Variants in PHF14 observed in about 807,000 individuals in gnomAD.
PHF14 encodes PHD finger protein 14.
PHF14 carries 55 observed loss-of-function variants against 117.9 expected under a neutral mutation model. The observed-to-expected ratio is 0.47, with a 90% CI of 0.38 to 0.58. PHF14 has a LOEUF of 0.58. Ranked by LOEUF, PHF14 falls within the 20% of genes least tolerant of loss-of-function variation. The probability of loss-of-function intolerance (pLI) is 0.00; values close to 1 mark genes in which losing one functional copy is unlikely to be tolerated. For missense variants in PHF14, 978 were observed against 1,122.2 expected (o/e 0.87, Z 1.84); for synonymous variants, 409 against 368.6 (o/e 1.11, Z -1.26).
chr7:11,134,576 G>C (rs1396518861), intron 17 of PHF14, among the ~76,000 whole-genome samples: 1 of 151,990 alleles, frequency 6.6e-6, no homozygotes, highest in East Asian at 1.9e-4. Flanking sequence ...GATGAGGAAA[G>C]TGAGACTTGG....
At chr7:10,994,440 A>C (rs1041597882) in intron 4 of PHF14, among the ~76,000 whole-genome samples, 1 of 152,110 alleles carries the variant, frequency 6.6e-6, no homozygotes, top group African/African-American at 2.4e-5. Context: ...CTCCGTCTCA[A>C]AAAAAAAGAT....
At chr7:11,137,590 CTTTT>C (rs5882293) in intron 17 of PHF14, among the ~76,000 whole-genome samples, 2 of 93,972 alleles carry the variant, frequency 2.1e-5, no homozygotes, top group African/African-American at 4.2e-5. Context: ...CTTAAAAATT[CTTTT>C]TTTTTTTTTT....
At chr7:11,052,746 G>A (rs965481255) in intron 14 of PHF14, among the ~76,000 whole-genome samples, 7 of 152,106 alleles carry the variant, frequency 4.6e-5, no homozygotes, top group African/African-American at 1.4e-4. Flanking sequence ...TTGGTAAATT[G>A]TATTTCCTTT....
chr7:11,119,545 A>G (rs1787690748), intron 17 of PHF14, among the ~76,000 whole-genome samples: 1 of 151,854 alleles, frequency 6.6e-6, no homozygotes, highest in African/African-American at 2.4e-5. Flanking sequence ...TATTCTCACA[A>G]TTGTGAAAAT....
chr7:11,000,609 G>C (rs1003073687), intron 4 of PHF14, among the ~76,000 whole-genome samples: 3 of 152,052 alleles, frequency 2.0e-5, no homozygotes, highest in Admixed American at 6.5e-5. Context: ...AAAGTGCTGG[G>C]ATTACAGGCG....
intron 17 of PHF14, among the ~76,000 whole-genome samples, chr7:11,112,591 G>A (rs6969350): frequency 0.35 from 53,262 of 151,738 alleles, 9,944 homozygotes; most frequent in East Asian, 0.72. Context: ...CCAACATGGC[G>A]AAACCCCATC....
intron 7 of PHF14, among the ~76,000 whole-genome samples, chr7:11,033,466 T>A (rs1784196477): frequency 6.7e-6 from 1 of 148,894 alleles, no homozygotes; most frequent in South Asian, 2.1e-4. Flanking sequence ...TTCAAGGGCA[T>A]GGTCTGGGCA....
chr7:11,146,562 A>G (rs897966437), intron 17 of PHF14, among the ~76,000 whole-genome samples: 1 of 152,200 alleles, frequency 6.6e-6, no homozygotes, highest in Non-Finnish European at 1.5e-5. Context: ...TCATGTAGAG[A>G]TAATTCTTAG....
Position 11,070,047 on chromosome 7 carries a change from GATA to G in PHF14, c.2654+7967_2654+7969del, listed in dbSNP as rs543963320. Among the ~76,000 whole-genome samples the G allele has an allele frequency of 2.3e-3, 356 of 152,212 alleles. 1 individual carries two copies. The highest frequency in any genetic ancestry group is 8.2e-3 in the African/African-American group (342 of 41,516). ...GAGTTTTCATTGTGGAAATGTTTTTGATAATAAATTCAGTTTTTAGAATAAATA... is the reference window on the plus strand; with the variant it reads ...GAGTTTTCATTGTGGAAATGTTTTTGATAAATTCAGTTTTTAGAATAAATA... On this transcript the variant is annotated intron_variant, in intron 16 of 17. Coordinates refer to ENST00000634607, the MANE Select transcript of PHF14 (RefSeq NM_001007157.2).
intron 4 of PHF14, among the ~76,000 whole-genome samples, chr7:11,013,049 T>C (rs10277295): frequency 0.018 from 2,770 of 152,262 alleles, 77 homozygotes; most frequent in African/African-American, 0.063. Context: ...TTTGCATGAG[T>C]TTGATCTTTT....
chr7:11,015,339 C>T (rs1470952496), intron 5 of PHF14: 3 of 152,008 alleles, frequency 2.0e-5, no homozygotes, highest in Non-Finnish European at 4.4e-5. Flanking sequence ...TGGAGAATCC[C>T]ATGTGTTGAT....
At chr7:11,102,726 T>A in intron 16 of PHF14, 2 of 1,386,216 alleles carry the variant, frequency 1.4e-6, no homozygotes, top group Non-Finnish European at 1.9e-6. Context: ...GGCAGTAGAT[T>A]TGCCTGTGTG....
At chr7:11,027,476 T>G (rs377304441) in intron 6 of PHF14, among the ~76,000 whole-genome samples, 19 of 152,136 alleles carry the variant, frequency 1.2e-4, no homozygotes, top group African/African-American at 4.1e-4. Context: ...TATGAAGATT[T>G]CTGTTACCAG....
chr7:11,041,426 G>A (rs978707904), intron 12 of PHF14, among the ~76,000 whole-genome samples: 1 of 150,022 alleles, frequency 6.7e-6, no homozygotes, highest in African/African-American at 2.4e-5. Context: ...TGGTGTTTTT[G>A]TGTGTGTGTG....
chr7:11,135,661 T>C (rs1298422188), intron 17 of PHF14, among the ~76,000 whole-genome samples: 3 of 152,180 alleles, frequency 2.0e-5, no homozygotes, highest in Non-Finnish European at 4.4e-5. Flanking sequence ...GCACTGGCAA[T>C]GTTAAATGTA....
chr7:11,122,177 C>G (rs1298087647), intron 17 of PHF14, among the ~76,000 whole-genome samples: 1 of 150,938 alleles, frequency 6.6e-6, no homozygotes, highest in Non-Finnish European at 1.5e-5. Flanking sequence ...CATGTCCCTG[C>G]AAAGGACATG....
chr7:10,987,711 TTA>T (rs1782271950), intron 3 of PHF14, among the ~76,000 whole-genome samples: 1 of 152,108 alleles, frequency 6.6e-6, no homozygotes, highest in Non-Finnish European at 1.5e-5. Context: ...TTTAGAAATT[TTA>T]TGTTAAAAGC....
At chr7:11,111,611 G>T in intron 17 of PHF14, 144 bp downstream of exon 17, 6 of 495,878 alleles carry the variant, frequency 1.2e-5, no homozygotes, top group South Asian at 6.6e-5. Context: ...ATATTGCTAT[G>T]GTTATTTTCT....
intron 16 of PHF14, among the ~76,000 whole-genome samples, chr7:11,082,988 T>TTGGGAAGAAA (rs1354237393): frequency 6.6e-5 from 10 of 152,164 alleles, no homozygotes; most frequent in Non-Finnish European, 1.2e-4. Flanking sequence ...CTTTCCTTAT[T>TTGGGAAGAAA]TGGGAAGAAA....
Sources: allele counts gnomAD v4.1 joint callset (sites outside exome capture counted in the v4.1 genomes callset), GRCh38; gene constraint gnomAD v4.1.1; transcripts MANE v1.5; gene names NCBI Gene and HGNC (gene_info 2026-07-23, HGNC 2026-07-21).